Variants in EPM2A observed in about 807,000 individuals in gnomAD.
EPM2A encodes laforin.
Under a neutral mutation model 26.5 loss-of-function variants are expected in EPM2A, and 21 were observed. That is an observed-to-expected ratio of 0.79 (90% CI 0.56 to 1.14). The LOEUF (loss-of-function observed/expected upper bound fraction) is 1.14, where lower values mean the gene tolerates loss of function less well. EPM2A is among the 50% of genes most tolerant of loss of function. The pLI is 0.00. For missense variants in EPM2A, 458 were observed against 440.8 expected (o/e 1.04, Z -0.35); for synonymous variants, 217 against 177.6 (o/e 1.22, Z -1.76).
intron 1 of EPM2A, among the ~76,000 whole-genome samples, chr6:145,699,680 T>C (rs1208332965): frequency 2.0e-5 from 3 of 152,170 alleles, no homozygotes; most frequent in Non-Finnish European, 2.9e-5. Context: ...CACTGGCCCA[T>C]AGGATGTCCA....
intron 2 of EPM2A, among the ~76,000 whole-genome samples, chr6:145,650,662 C>A (rs535935234): frequency 9.2e-5 from 14 of 152,108 alleles, no homozygotes; most frequent in Non-Finnish European, 1.5e-4. Context: ...GTATTATTAT[C>A]CTAATTTTAT....
intron 1 of EPM2A, among the ~76,000 whole-genome samples, chr6:145,704,290 C>T (rs1041475609): frequency 4.6e-5 from 7 of 152,004 alleles, no homozygotes; most frequent in African/African-American, 1.2e-4. Flanking sequence ...CAATGAGGTA[C>T]TTATTTAAAA....
At chr6:145,498,170 A>G (rs952212515), downstream of EPM2A, among the ~76,000 whole-genome samples, 3 of 152,150 alleles carry the variant, frequency 2.0e-5, no homozygotes, top group African/African-American at 7.2e-5. Flanking sequence ...TGGGTCATTC[A>G]AACAGCAAAG....
In EPM2A at chr6:145,389,863, C is replaced by T. The variant is rs994456061; in HGVS notation, c.556-5766G>A. 8.5e-5 allele frequency among the ~76,000 whole-genome samples: 13 copies of T among 152,260 alleles called. 1 individual carries two copies. Among genetic ancestry groups the T allele is most frequent in the Non-Finnish European group, 1.0e-4 (7 of 68,032 alleles). On this transcript the variant is annotated intron_variant, in intron 4 of 4. Coordinates refer to the EPM2A transcript ENST00000638717. ...CGGCCAATTTACAATTTTTCTTTAT[C>T]AACTGGGCACTGAAAGAACTTGTAG... is the stretch of plus-strand genomic sequence containing the variant.
At chr6:145,605,316 G>T (rs960772890) in intron 2 of EPM2A, among the ~76,000 whole-genome samples, 1 of 152,056 alleles carries the variant, frequency 6.6e-6, no homozygotes, top group Non-Finnish European at 1.5e-5. Context: ...GGCTTAGCAT[G>T]TTCTTACCTG....
intron 2 of EPM2A, among the ~76,000 whole-genome samples, chr6:145,642,450 C>CT (rs1777155944): frequency 6.6e-6 from 1 of 152,100 alleles, no homozygotes; most frequent in Non-Finnish European, 1.5e-5. Context: ...ATGATGCCTG[C>CT]TTTTTGCCAG....
chr6:145,663,161 A>G (rs1460719613), intron 2 of EPM2A, among the ~76,000 whole-genome samples: 1 of 152,220 alleles, frequency 6.6e-6, no homozygotes. Flanking sequence ...TCAAGTGCCT[A>G]TTCCTAATGG....
At chr6:145,384,887 A>G (rs1211144185) in intron 4 of EPM2A, among the ~76,000 whole-genome samples, 2 of 147,822 alleles carry the variant, frequency 1.4e-5, no homozygotes, top group East Asian at 3.9e-4. Flanking sequence ...AAAATGTTTA[A>G]GAGATAAGTG....
chr6:145,489,693 T>A, intron 4 of EPM2A: 2 of 1,400,960 alleles, frequency 1.4e-6, no homozygotes, highest in Non-Finnish European at 2.0e-6. Context: ...CAGAATCCAC[T>A]GTTGGCTTGC....
chr6:145,644,852 A>G (rs1431914996), intron 2 of EPM2A, among the ~76,000 whole-genome samples: 1 of 152,106 alleles, frequency 6.6e-6, no homozygotes, highest in Non-Finnish European at 1.5e-5. Context: ...TCCTTAAATT[A>G]CCCAAGGATC....
intron 4 of EPM2A, among the ~76,000 whole-genome samples, chr6:145,476,411 A>T (rs1375612438): frequency 6.6e-6 from 1 of 151,936 alleles, no homozygotes; most frequent in Non-Finnish European, 1.5e-5. Context: ...CAACAACAAA[A>T]AAAGAAAAAC....
At position 145,400,582 on chromosome 6, in the gene EPM2A, T is replaced by G. The variant is rs573774992; in HGVS notation, c.556-16485A>C. Among the ~76,000 whole-genome samples, 37 of 152,256 alleles carry G rather than the reference T, an allele frequency of 2.4e-4. 1 individual carries two copies. The highest frequency in any genetic ancestry group is 1.8e-3 in the Admixed American group (27 of 15,266). On this transcript the variant is annotated intron_variant, in intron 4 of 4. Transcript: ENST00000638717. ...GTGGTTCTGATCAGTTAACAGAGGTTGCTTACTGAGTGCCTTTGTGTCCTC... is the reference window on the plus strand; with the variant it reads ...GTGGTTCTGATCAGTTAACAGAGGTGGCTTACTGAGTGCCTTTGTGTCCTC...
intron 2 of EPM2A, among the ~76,000 whole-genome samples, chr6:145,517,817 G>C (rs1412198357): frequency 1.3e-5 from 2 of 152,044 alleles, no homozygotes; most frequent in African/African-American, 4.8e-5. Context: ...TGGAATTATG[G>C]TGAATTATCA....
intron 4 of EPM2A, among the ~76,000 whole-genome samples, chr6:145,469,516 G>A (rs981000324): frequency 6.6e-6 from 1 of 152,004 alleles, no homozygotes; most frequent in Non-Finnish European, 1.5e-5. Flanking sequence ...CCAAAAGACA[G>A]GGAATAACAA....
intron 2 of EPM2A, among the ~76,000 whole-genome samples, chr6:145,648,705 C>A (rs923052854): frequency 5.3e-5 from 8 of 152,150 alleles, no homozygotes; most frequent in African/African-American, 1.9e-4. Flanking sequence ...TTTGTCTAGG[C>A]ACTCCCAAAT....
chr6:145,391,974 C>T (rs1412282937), intron 4 of EPM2A, among the ~76,000 whole-genome samples: 4 of 151,948 alleles, frequency 2.6e-5, no homozygotes, highest in Admixed American at 6.6e-5. Context: ...CAAAGGGACA[C>T]CTTTGGTAAA....
chr6:145,607,591 T>C (rs1264631842), intron 2 of EPM2A, among the ~76,000 whole-genome samples: 1 of 152,070 alleles, frequency 6.6e-6, no homozygotes, highest in East Asian at 1.9e-4. Flanking sequence ...TCAAGGAGTC[T>C]GGGAAAAGTG....
chr6:145,400,491 G>A (rs915932196), intron 4 of EPM2A, among the ~76,000 whole-genome samples: 2 of 152,168 alleles, frequency 1.3e-5, no homozygotes, highest in Non-Finnish European at 2.9e-5. Context: ...ATTGACCCCC[G>A]CCCTTTTTTG....
intron 2 of EPM2A, among the ~76,000 whole-genome samples, chr6:145,551,593 T>G (rs138703720): frequency 1.4e-4 from 22 of 152,232 alleles, no homozygotes; most frequent in African/African-American, 5.3e-4. Flanking sequence ...AAATTTGCAC[T>G]TTCTGGTCCA....
Sources: gnomAD v4.1 joint callset for allele counts (sites outside exome capture counted in the v4.1 genomes callset) on GRCh38, gnomAD v4.1.1 for gene constraint, MANE v1.5 for transcripts, NCBI Gene and HGNC (gene_info 2026-07-23, HGNC 2026-07-21) for gene names.